The following LGR5 variants were observed in gnomAD, a reference collection of about 807,000 sequenced individuals.
LGR5 encodes the protein leucine-rich repeat-containing G protein-coupled receptor 5.
Under a neutral mutation model 76.7 loss-of-function variants are expected in LGR5, and 54 were observed. The ratio of observed to expected loss-of-function variants is 0.70; its 90% CI spans 0.57 to 0.88. LGR5 has a LOEUF of 0.88. Among genes scored for constraint, LGR5 ranks in the 40% least tolerant of loss-of-function variants. The pLI is 0.00. For missense variants in LGR5, 1,078 were observed against 1,073.3 expected (o/e 1.00, Z -0.06); for synonymous variants, 406 against 421.9 (o/e 0.96, Z 0.46).
chr12:71,490,310 T>A (rs993283389), intron 1 of LGR5, among the ~76,000 whole-genome samples: 1 of 152,218 alleles, frequency 6.6e-6, no homozygotes, highest in African/African-American at 2.4e-5. Context: ...CTCCTTTGTA[T>A]ATTTTTTGGC....
intron 1 of LGR5, among the ~76,000 whole-genome samples, chr12:71,479,904 C>T (rs1262714717): frequency 6.6e-6 from 1 of 152,122 alleles, no homozygotes; most frequent in Non-Finnish European, 1.5e-5. Context: ...GTCAACCATG[C>T]TTAGGCATTT....
chr12:71,473,506 G>C (rs1565670650), intron 1 of LGR5, among the ~76,000 whole-genome samples: 1 of 151,990 alleles, frequency 6.6e-6, no homozygotes, highest in Non-Finnish European at 1.5e-5. Context: ...GGGCATAATG[G>C]CTCATGCCTC....
chr12:71,582,602 A>G (rs529151965), intron 17 of LGR5, 63 bp downstream of exon 17: 3 of 1,266,418 alleles, frequency 2.4e-6, no homozygotes, highest in Non-Finnish European at 3.5e-6. Context: ...GTCCATGAAA[A>G]ACAATACAGC....
intron 1 of LGR5, among the ~76,000 whole-genome samples, chr12:71,450,733 T>A (rs1311080700): frequency 6.6e-6 from 1 of 152,234 alleles, no homozygotes; most frequent in South Asian, 2.1e-4. Flanking sequence ...GCAGTGACAT[T>A]GCACTAGTCC....
Position 71,535,166 on chromosome 12 carries a change from T to A in LGR5, c.408T>A (p.Asn136Lys), listed in dbSNP as rs1876524405. Residue 136 changes from asparagine (N) to lysine (K), a missense_variant, in exon 4 of 18, where the codon AAT (asparagine) becomes AAA (lysine). Asn to Lys is a moderately conservative substitution (Grantham distance 94). Transcript: ENST00000266674. ...LRHVPTEALQ[N>K]LRSLQSLRLD... ...ACGTACCCACAGAAGCTCTGCAGAA[T>A]TTGCGAAGCCTTCAATCCCTGTAAG... 1 of 1,610,716 alleles carries A rather than the reference T, an allele frequency of 6.2e-7. No individual in the cohort carries two copies. Among genetic ancestry groups the A allele is most frequent in the African/African-American group, 1.3e-5 (1 of 74,868 alleles).
chr12:71,580,222 A>G lies in LGR5; in HGVS notation c.1407-56A>G, dbSNP rs1168146128. 7.4e-6 allele frequency: 11 copies of G among 1,484,220 alleles called. No homozygotes were observed. In the East Asian group the frequency reaches 2.1e-4, roughly 28 times the overall value. The allele number at this position is 1,484,220 out of a possible 1,614,324, so 91.9% of individuals were successfully genotyped here. ...AATTGGGTGAAAGAACATGAACACT[A>G]TATTTAATTATCCGTTTCTTTAAGT... is the stretch of plus-strand genomic sequence containing the variant. On this transcript the variant is annotated intron_variant, in intron 15 of 17. Transcript: ENST00000266674.
In LGR5 at chr12:71,583,917, G is replaced by A; in HGVS notation, c.1907G>A (p.Gly636Asp). The change falls in exon 18 of 18, where the codon GGT becomes GAT. Residue 636 changes from glycine (G) to aspartate (D), a missense_variant. Physicochemically the swap from Gly to Asp is moderately conservative, Grantham distance 94. Coordinates refer to ENST00000266674, the MANE Select transcript of LGR5 (RefSeq NM_003667.4). ...RHGAWWENGV[G>D]CHVIGFLSIF... The stretch of plus-strand genomic sequence containing the variant: ...GGTGCCTGGTGGGAGAATGGGGTTG[G>A]TTGCCATGTCATTGGTTTTTTGTCC... 6.2e-7 allele frequency: 1 copy of A among 1,614,140 alleles called. No individual in the cohort carries two copies. The highest frequency in any genetic ancestry group is 8.5e-7 in the Non-Finnish European group (1 of 1,180,024).
At chr12:71,454,609 C>G (rs1872386394) in intron 1 of LGR5, among the ~76,000 whole-genome samples, 1 of 152,080 alleles carries the variant, frequency 6.6e-6, no homozygotes, top group Admixed American at 6.5e-5. Context: ...CAAAGGAACT[C>G]AAAGGAGAGG....
Position 71,584,225 on chromosome 12 carries a change from A to AT in LGR5, c.2216dup (p.Met739IlefsTer61), listed in dbSNP as rs1405019065. On this transcript the variant is annotated frameshift_variant, in exon 18 of 18. Coordinates refer to ENST00000266674, the MANE Select transcript of LGR5 (RefSeq NM_003667.4). LOFTEE classifies it high-confidence loss of function. Reference sequence around the variant, plus strand: ...CTTGCTCAATTCCCTTTGCTTCCTCATGATGACCATTGCCTACACCAAGCT... The same window carrying AT: ...CTTGCTCAATTCCCTTTGCTTCCTCATTGATGACCATTGCCTACACCAAGCT... 1.9e-6 allele frequency: 3 copies of AT among 1,614,086 alleles called. No homozygotes were observed.
Position 71,583,767 on chromosome 12 carries a change from C to T in LGR5, c.1757C>T (p.Pro586Leu), listed in dbSNP as rs760137280. 11 of 1,614,148 alleles carry T rather than the reference C, an allele frequency of 6.8e-6. No homozygotes were observed. The highest frequency in any genetic ancestry group is 9.3e-6 in the Non-Finnish European group (11 of 1,180,036). Residue 586 changes from proline to leucine, a missense_variant, in exon 18 of 18, where the codon CCT (proline) becomes CTT (leucine). Physicochemically the swap from Pro to Leu is moderately conservative, Grantham distance 98 (BLOSUM62 -3). Coordinates refer to ENST00000266674, the MANE Select transcript of LGR5 (RefSeq NM_003667.4). ...ALVTSTVFRS[P>L]LYISPIKLLI... ...GTGACTTCAACAGTTTTCAGATCCC[C>T]TCTGTACATTTCCCCCATTAAACTG... is the stretch of plus-strand genomic sequence containing the variant.
At chr12:71,479,411 A>G (rs1366378187) in intron 1 of LGR5, among the ~76,000 whole-genome samples, 1 of 152,244 alleles carries the variant, frequency 6.6e-6, no homozygotes, top group African/African-American at 2.4e-5. Context: ...AATCAACTGG[A>G]GTATTTACTG....
At chr12:71,531,724 C>T (rs1876321028) in intron 3 of LGR5, among the ~76,000 whole-genome samples, 1 of 151,982 alleles carries the variant, frequency 6.6e-6, no homozygotes, top group Admixed American at 6.6e-5. Flanking sequence ...AAAAATTAGC[C>T]GGCGGTAGTG....
intron 1 of LGR5, among the ~76,000 whole-genome samples, chr12:71,448,042 C>T (rs1286935773): frequency 6.6e-6 from 1 of 150,788 alleles, no homozygotes; most frequent in Non-Finnish European, 1.5e-5. Context: ...AGCCAAATTC[C>T]TTTATTTCCC....
intron 1 of LGR5, among the ~76,000 whole-genome samples, chr12:71,497,550 C>T (rs1425805672): frequency 6.6e-6 from 1 of 152,034 alleles, no homozygotes; most frequent in Non-Finnish European, 1.5e-5. Flanking sequence ...TAATACTATT[C>T]ATACTATAAT....
chr12:71,568,512 A>C (rs988087303), intron 11 of LGR5, among the ~76,000 whole-genome samples: 4 of 152,154 alleles, frequency 2.6e-5, no homozygotes, highest in African/African-American at 9.7e-5. Context: ...TCTTTCCTTG[A>C]GTTGGAACTT....
chr12:71,576,684 A>G (rs963355058), intron 13 of LGR5, among the ~76,000 whole-genome samples: 1 of 152,176 alleles, frequency 6.6e-6, no homozygotes, highest in Non-Finnish European at 1.5e-5. Flanking sequence ...AAATTCTCAC[A>G]TATTTACTTA....
At chr12:71,540,259 T>G (rs956348971) in intron 4 of LGR5, among the ~76,000 whole-genome samples, 1 of 152,232 alleles carries the variant, frequency 6.6e-6, no homozygotes, top group Non-Finnish European at 1.5e-5. Flanking sequence ...ATATTCATGT[T>G]TGTCCAGATA....
At chr12:71,443,698 A>G (rs1181113229) in intron 1 of LGR5, among the ~76,000 whole-genome samples, 1 of 152,204 alleles carries the variant, frequency 6.6e-6, no homozygotes, top group Non-Finnish European at 1.5e-5. Context: ...CCTCTCTGCT[A>G]CTTTGATGTG....
At position 71,535,184 on chromosome 12, in the gene LGR5, C is replaced by A; in HGVS notation, c.426C>A (p.Ser142=). ...EALQNLRSLQ[S]LRLDANHISY... The stretch of plus-strand genomic sequence containing the variant: ...TGCAGAATTTGCGAAGCCTTCAATC[C>A]CTGTAAGTATAGTAGACATTGCAAA... Residue 142 remains serine (S), a splice_region_variant and synonymous_variant, in exon 4 of 18, where the codon TCC becomes TCA. Coordinates refer to ENST00000266674, the MANE Select transcript of LGR5 (RefSeq NM_003667.4). 1.3e-6 allele frequency: 2 copies of A among 1,595,130 alleles called. No homozygotes were observed. The highest frequency in any genetic ancestry group is 2.2e-5 in the East Asian group (1 of 44,764).
Sources: allele counts gnomAD v4.1 joint callset (sites outside exome capture counted in the v4.1 genomes callset), GRCh38; gene constraint gnomAD v4.1.1; transcripts MANE v1.5; gene names NCBI Gene and HGNC (gene_info 2026-07-23, HGNC 2026-07-21).